The following GRM4 variants were observed in gnomAD, a reference collection of about 807,000 sequenced individuals.
The protein encoded by GRM4 is metabotropic glutamate receptor 4.
Under a neutral mutation model 81.7 loss-of-function variants are expected in GRM4, and 28 were observed. The ratio of observed to expected loss-of-function variants is 0.34; its 90% CI spans 0.25 to 0.47. GRM4 has a LOEUF of 0.47. GRM4 is among the 20% of genes least tolerant of loss of function. GRM4 has a pLI of 1.00. For synonymous variants in GRM4, 488 were observed against 528.8 expected, an observed-to-expected ratio of 0.92 and a Z score of 1.06; for missense variants, 948 against 1,290.0, an observed-to-expected ratio of 0.73 and a Z score of 4.06.
intron 2 of GRM4, among the ~76,000 whole-genome samples, chr6:34,099,637 CAGA>C (rs946239188): frequency 6.6e-6 from 1 of 152,182 alleles, no homozygotes; most frequent in Non-Finnish European, 1.5e-5. Context: ...GGTTCAGGAG[CAGA>C]AGGTTAGAGT....
At chr6:34,044,895 TACAC>T (rs545931691) in intron 6 of GRM4, among the ~76,000 whole-genome samples, 4 of 107,836 alleles carry the variant, frequency 3.7e-5, no homozygotes, top group South Asian at 3.0e-4. Flanking sequence ...GACATACACA[TACAC>T]ACACAGACAT....
At chr6:34,044,156 A>G (rs1429536342) in intron 6 of GRM4, among the ~76,000 whole-genome samples, 1 of 136,430 alleles carries the variant, frequency 7.3e-6, no homozygotes, top group Non-Finnish European at 1.5e-5. Flanking sequence ...ACACATATAT[A>G]CACATACACA....
chr6:34,067,076 CTCA>C (rs1457045465), intron 3 of GRM4, among the ~76,000 whole-genome samples: 1 of 152,168 alleles, frequency 6.6e-6, no homozygotes, highest in African/African-American at 2.4e-5. Context: ...AGAGCAGGCT[CTCA>C]CCTGGCCAGC....
rs1767234481 is a variant in GRM4 at position 34,074,890 on chromosome 6, G to C, written c.737-12862C>G. 6.6e-6 allele frequency among the ~76,000 whole-genome samples: 1 copy of C among 152,132 alleles called. No individual in the cohort carries two copies. On this transcript the variant is annotated intron_variant, in intron 3 of 10. Transcript: ENST00000538487. The surrounding 1 kb of genome is among the most constrained non-coding windows in gnomAD (Gnocchi z 4.9). ...AGCCCCCCAGAGGTCCCTACCCCAG[G>C]TCAACCCACCCAGGCCCTACTGTCC...
intron 1 of GRM4, among the ~76,000 whole-genome samples, chr6:34,139,117 G>A (rs1365410785): frequency 6.6e-6 from 1 of 152,214 alleles, no homozygotes; most frequent in African/African-American, 2.4e-5. Context: ...AAGCACAGTG[G>A]GGGTCTGGCC....
intron 3 of GRM4, among the ~76,000 whole-genome samples, chr6:34,086,817 A>G (rs1767912516): frequency 6.6e-6 from 1 of 152,240 alleles, no homozygotes; most frequent in Admixed American, 6.5e-5. Context: ...GGTAATATGT[A>G]CAAAGCACTT....
At chr6:34,044,161 T>TAC (rs531019999) in intron 6 of GRM4, among the ~76,000 whole-genome samples, 37,497 of 144,800 alleles carry the variant, frequency 0.26, 5,809 homozygotes, top group African/African-American at 0.42. Context: ...TATATACACA[T>TAC]ACACACACAT....
At chr6:34,118,988 C>G (rs919829282) in intron 2 of GRM4, among the ~76,000 whole-genome samples, 3 of 152,218 alleles carry the variant, frequency 2.0e-5, no homozygotes, top group African/African-American at 7.2e-5. Flanking sequence ...AGTAGGTTCT[C>G]TGCCTCATTT....
intron 2 of GRM4, among the ~76,000 whole-genome samples, chr6:34,097,388 G>A (rs2127490643): frequency 6.6e-6 from 1 of 152,078 alleles, no homozygotes; most frequent in African/African-American, 2.4e-5. Flanking sequence ...GTGTGTGTGA[G>A]CATGGTGCAT....
At chr6:34,029,467 C>T (rs1764305358) in intron 9 of GRM4, among the ~76,000 whole-genome samples, 2 of 152,154 alleles carry the variant, frequency 1.3e-5, no homozygotes, top group African/African-American at 4.8e-5. Flanking sequence ...ACCAGGTCTT[C>T]CCATTCTTAT....
At position 34,088,580 on chromosome 6, in the gene GRM4, C is replaced by T. The variant is rs79460192; in HGVS notation, c.736+3303G>A. Among the ~76,000 whole-genome samples, 620 of 152,290 alleles carry T rather than the reference C, an allele frequency of 4.1e-3. 6 individuals carry two copies. The highest frequency in any genetic ancestry group is 0.012 in the African/African-American group (519 of 41,546). On this transcript the variant is annotated intron_variant, in intron 3 of 10. Coordinates refer to ENST00000538487, the MANE Select transcript of GRM4 (RefSeq NM_000841.4). ...GCCTGACCTCTTAAGCACCTGCCGC[C>T]GCTTCTGCAATGCAAGCTGGAGGAG...
chr6:34,072,555 CCA>C (rs1157238379), intron 3 of GRM4, among the ~76,000 whole-genome samples: 1 of 152,188 alleles, frequency 6.6e-6, no homozygotes, highest in East Asian at 1.9e-4. Flanking sequence ...TCACACATCA[CCA>C]CACAGATACA....
intron 10 of GRM4, 63 bp downstream of exon 10, chr6:34,028,057 C>A: frequency 6.5e-7 from 1 of 1,526,890 alleles, no homozygotes; most frequent in Non-Finnish European, 8.8e-7. Context: ...GGAGCTCAGC[C>A]CACCTGCTGC....
At position 34,040,599 on chromosome 6, in the gene GRM4, G is replaced by C. The variant is rs763177435; in HGVS notation, c.1318C>G (p.Pro440Ala). 3.7e-5 allele frequency: 60 copies of C among 1,613,956 alleles called. No homozygotes were observed. Among genetic ancestry groups the C allele is most frequent in the Non-Finnish European group, 4.8e-5 (57 of 1,179,972 alleles). The change falls in exon 7 of 11, where the codon CCT becomes GCT. Residue 440 changes from proline to alanine, a missense_variant. By Grantham distance (27) the Pro-to-Ala change is conservative. Transcript: ENST00000538487. ...TTAAGCAGCTGGGTGCCATCTACAGGGTCCATGCGCGGGCAGAGCCCCACG... is the reference window on the plus strand; with the variant it reads ...TTAAGCAGCTGGGTGCCATCTACAGCGTCCATGCGCGGGCAGAGCCCCACG... ...GRVGLCPRMDPVDGTQLLKYI... is the reference protein window; with the variant it reads ...GRVGLCPRMDAVDGTQLLKYI...
At chr6:34,102,162 G>A (rs1258430706) in intron 2 of GRM4, 12 of 1,535,020 alleles carry the variant, frequency 7.8e-6, no homozygotes, top group Middle Eastern at 1.7e-4. Flanking sequence ...AAGGTGTGCA[G>A]GGGACAGGAG....
chr6:34,049,407 C>T (rs1765505801), intron 6 of GRM4, among the ~76,000 whole-genome samples: 1 of 152,036 alleles, frequency 6.6e-6, no homozygotes, highest in South Asian at 2.1e-4. Context: ...CATGCTGGCC[C>T]CCTTCTCTCT....
At chr6:34,024,337 A>C (rs894609992) in intron 10 of GRM4, 2 of 227,146 alleles carry the variant, frequency 8.8e-6, no homozygotes, top group Non-Finnish European at 9.0e-6. Context: ...TGAGCAGAAC[A>C]ACCATTGAGG....
chr6:34,052,974 G>A (rs978094074), intron 6 of GRM4, among the ~76,000 whole-genome samples: 4 of 152,170 alleles, frequency 2.6e-5, no homozygotes, highest in Admixed American at 2.0e-4. Flanking sequence ...AGACAGAATT[G>A]GTACCAACAG....
Position 34,070,770 on chromosome 6 carries a change from C to G in GRM4, c.737-8742G>C, listed in dbSNP as rs1282417922. ...TCCTGAAGGCTCTCAGCACCCCCACCACACCCCCGCCACACCCCCAGCCAC... is the reference window on the plus strand; with the variant it reads ...TCCTGAAGGCTCTCAGCACCCCCACGACACCCCCGCCACACCCCCAGCCAC... On this transcript the variant is annotated intron_variant, in intron 3 of 10. Coordinates refer to ENST00000538487, the MANE Select transcript of GRM4 (RefSeq NM_000841.4). This position sits in a 1 kb window ranked among gnomAD's most constrained non-coding sequence, Gnocchi z 4.6. Among the ~76,000 whole-genome samples the G allele has an allele frequency of 3.4e-5, 5 of 146,944 alleles. No homozygotes were observed. The highest frequency in any genetic ancestry group is 1.4e-4 in the Admixed American group (2 of 14,352).
Sources: allele counts gnomAD v4.1 joint callset (sites outside exome capture counted in the v4.1 genomes callset), GRCh38; gene constraint gnomAD v4.1.1; non-coding constraint Gnocchi (gnomAD v3.1); transcripts MANE v1.5; gene names NCBI Gene and HGNC (gene_info 2026-07-23, HGNC 2026-07-21).